The following NDUFAF2 variants were observed in gnomAD, a reference collection of about 807,000 sequenced individuals.
The protein encoded by NDUFAF2 is NADH:ubiquinone oxidoreductase complex assembly factor 2.
NDUFAF2 carries 13 observed loss-of-function variants against 22.8 expected under a neutral mutation model. That is an observed-to-expected ratio of 0.57 (90% CI 0.37 to 0.91). NDUFAF2 has a LOEUF of 0.91. Among genes scored for constraint, NDUFAF2 ranks in the 40% least tolerant of loss-of-function variants. NDUFAF2 has a pLI of 0.01. For missense variants in NDUFAF2, 162 were observed against 195.2 expected (o/e 0.83, Z 1.01); for synonymous variants, 53 against 64.2 (o/e 0.83, Z 0.84).
intron 3 of NDUFAF2, among the ~76,000 whole-genome samples, chr5:61,148,060 A>G (rs1345746407): frequency 6.6e-6 from 1 of 152,196 alleles, no homozygotes; most frequent in Non-Finnish European, 1.5e-5. Context: ...CAAGTGGGTT[A>G]CTATGCAGAT....
intron 2 of NDUFAF2, among the ~76,000 whole-genome samples, chr5:61,079,761 C>G (rs1327990336): frequency 1.3e-5 from 2 of 152,190 alleles, no homozygotes; most frequent in South Asian, 2.1e-4. Context: ...GGTTTGTTCT[C>G]TATGTAGCTG....
At chr5:61,147,623 C>T (rs990348294) in intron 3 of NDUFAF2, among the ~76,000 whole-genome samples, 3 of 151,008 alleles carry the variant, frequency 2.0e-5, no homozygotes, top group African/African-American at 7.3e-5. Context: ...CAGTGCAGTC[C>T]AATCCAAATT....
intron 1 of NDUFAF2, among the ~76,000 whole-genome samples, chr5:60,976,341 T>G (rs75934605): frequency 0.024 from 3,646 of 152,134 alleles, 63 homozygotes; most frequent in Non-Finnish European, 0.037. Flanking sequence ...ATGCGTAAGC[T>G]TAAAGCTTTT....
chr5:61,070,945 A>G (rs533848669), intron 1 of NDUFAF2, among the ~76,000 whole-genome samples: 3 of 152,196 alleles, frequency 2.0e-5, no homozygotes, highest in Non-Finnish European at 4.4e-5. Context: ...ACATTCTTAC[A>G]TTTTGGTAAT....
intron 1 of NDUFAF2, among the ~76,000 whole-genome samples, chr5:60,960,070 T>C (rs535696051): frequency 6.6e-6 from 1 of 152,300 alleles, no homozygotes; most frequent in African/African-American, 2.4e-5. Context: ...TCTTGAATTC[T>C]AGTTTTCCCT....
chr5:60,973,867 T>C (rs1406746659), intron 1 of NDUFAF2, among the ~76,000 whole-genome samples: 1 of 152,164 alleles, frequency 6.6e-6, no homozygotes, highest in Non-Finnish European at 1.5e-5. Context: ...TAGAGTGGCA[T>C]GATCCTGGCT....
intron 1 of NDUFAF2, among the ~76,000 whole-genome samples, chr5:61,032,119 G>A (rs1345441546): frequency 6.6e-6 from 1 of 152,110 alleles, no homozygotes; most frequent in Non-Finnish European, 1.5e-5. Flanking sequence ...GTAGATTCTG[G>A]TTATTAGACC....
chr5:60,984,900 T>C (rs1751049973), intron 1 of NDUFAF2, among the ~76,000 whole-genome samples: 1 of 152,230 alleles, frequency 6.6e-6, no homozygotes, highest in African/African-American at 2.4e-5. Context: ...AGGATGATGC[T>C]GGCCTCATCA....
At chr5:61,010,116 T>A (rs1474704640) in intron 1 of NDUFAF2, among the ~76,000 whole-genome samples, 1 of 152,092 alleles carries the variant, frequency 6.6e-6, no homozygotes, top group Non-Finnish European at 1.5e-5. Flanking sequence ...TGTCACTTTC[T>A]CCTGAACTAT....
intron 3 of NDUFAF2, among the ~76,000 whole-genome samples, chr5:61,150,575 A>C (rs1399669957): frequency 6.6e-6 from 1 of 152,192 alleles, no homozygotes; most frequent in East Asian, 1.9e-4. Flanking sequence ...TTTCATCAAA[A>C]AGCATATGCA....
chr5:61,074,432 C>G (rs1752340700), intron 2 of NDUFAF2, among the ~76,000 whole-genome samples: 1 of 152,028 alleles, frequency 6.6e-6, no homozygotes, highest in African/African-American at 2.4e-5. Flanking sequence ...ACTAAAAATA[C>G]AAAAATTAGC....
At chr5:61,096,388 C>G (rs1191828998) in intron 2 of NDUFAF2, among the ~76,000 whole-genome samples, 4 of 151,752 alleles carry the variant, frequency 2.6e-5, no homozygotes, top group Admixed American at 2.6e-4. Flanking sequence ...ATCACGAGGT[C>G]AAGAGATCGA....
chr5:60,999,562 G>C (rs532295226), intron 1 of NDUFAF2, among the ~76,000 whole-genome samples: 13 of 152,160 alleles, frequency 8.5e-5, no homozygotes, highest in African/African-American at 3.1e-4. Flanking sequence ...TTAGGGGAGG[G>C]AAGAAAACAG....
At chr5:61,039,611 T>C (rs1466054331) in intron 1 of NDUFAF2, among the ~76,000 whole-genome samples, 2 of 152,202 alleles carry the variant, frequency 1.3e-5, no homozygotes, top group African/African-American at 4.8e-5. Flanking sequence ...TTAACTTAGA[T>C]CATTCTCAAA....
intron 1 of NDUFAF2, among the ~76,000 whole-genome samples, chr5:61,023,531 G>GT (rs1193508334): frequency 1.3e-5 from 2 of 152,112 alleles, no homozygotes; most frequent in East Asian, 3.8e-4. Flanking sequence ...AGTATAGTAT[G>GT]TGAGTATCTT....
chr5:61,052,552 C>T (rs1458593717), intron 1 of NDUFAF2, among the ~76,000 whole-genome samples: 1 of 152,092 alleles, frequency 6.6e-6, no homozygotes, highest in Non-Finnish European at 1.5e-5. Flanking sequence ...CCTCGTGATC[C>T]GCCCGCCTCG....
intron 1 of NDUFAF2, among the ~76,000 whole-genome samples, chr5:61,040,303 A>G (rs200735038): frequency 1.5e-5 from 2 of 137,388 alleles, no homozygotes; most frequent in Non-Finnish European, 1.6e-5. Flanking sequence ...CGCGCGCGCG[A>G]AAGTTGAAAG....
chr5:60,969,997 G>GT (rs1750807236), intron 1 of NDUFAF2, among the ~76,000 whole-genome samples: 1 of 151,998 alleles, frequency 6.6e-6, no homozygotes, highest in African/African-American at 2.4e-5. Flanking sequence ...TCCCCACTGT[G>GT]TGTTCTTGGC....
At chr5:61,143,905 T>C (rs1029808365) in intron 3 of NDUFAF2, among the ~76,000 whole-genome samples, 16 of 151,780 alleles carry the variant, frequency 1.1e-4, no homozygotes, top group African/African-American at 3.6e-4. Context: ...CATTTATAAA[T>C]ACTAAACTTT....
Sources: gnomAD v4.1 joint callset for allele counts (sites outside exome capture counted in the v4.1 genomes callset) on GRCh38, gnomAD v4.1.1 for gene constraint, MANE v1.5 for transcripts, NCBI Gene and HGNC (gene_info 2026-07-23, HGNC 2026-07-21) for gene names.